Variants in NPAS3 observed in about 807,000 individuals in gnomAD.
The protein encoded by NPAS3 is neuronal PAS domain-containing protein 3.
NPAS3 carries 14 observed loss-of-function variants against 73.1 expected under a neutral mutation model. The observed-to-expected ratio is 0.19, with a 90% CI of 0.13 to 0.30. The LOEUF (loss-of-function observed/expected upper bound fraction) is 0.30, where lower values mean the gene tolerates loss of function less well. Among genes scored for constraint, NPAS3 ranks in the 10% least tolerant of loss-of-function variants. The pLI is 1.00. For synonymous variants in NPAS3, 620 were observed against 541.5 expected (o/e 1.14, Z -2.01); for missense variants, 1,096 against 1,250.0 (o/e 0.88, Z 1.86).
At chr14:33,240,200 A>G (rs2048170461) in intron 3 of NPAS3, among the ~76,000 whole-genome samples, 1 of 151,860 alleles carries the variant, frequency 6.6e-6, no homozygotes, top group East Asian at 1.9e-4. Flanking sequence ...TATATTATTC[A>G]TAGGATTCTG....
chr14:33,192,879 A>T (rs998214870), intron 2 of NPAS3, among the ~76,000 whole-genome samples: 1 of 151,980 alleles, frequency 6.6e-6, no homozygotes, highest in South Asian at 2.1e-4. Context: ...AGTGGTAGGA[A>T]CTCCCTTTTA....
intron 1 of NPAS3, among the ~76,000 whole-genome samples, chr14:32,969,960 A>G (rs2139304042): frequency 6.6e-6 from 1 of 152,344 alleles, no homozygotes; most frequent in South Asian, 2.1e-4. Flanking sequence ...TGAAAACAAT[A>G]TGAAGCTAAT....
chr14:32,983,182 G>A (rs2037968112), intron 1 of NPAS3, among the ~76,000 whole-genome samples: 1 of 152,034 alleles, frequency 6.6e-6, no homozygotes, highest in African/African-American at 2.4e-5. Context: ...CCCCATTAAA[G>A]ACTATTTTAA....
intron 1 of NPAS3, among the ~76,000 whole-genome samples, chr14:33,018,791 T>C (rs2039485773): frequency 6.6e-6 from 1 of 152,230 alleles, no homozygotes; most frequent in South Asian, 2.1e-4. Flanking sequence ...CAATTAATTG[T>C]AAGACATTTC....
chr14:33,287,242 C>T (rs1213779596), intron 3 of NPAS3, among the ~76,000 whole-genome samples: 1 of 152,110 alleles, frequency 6.6e-6, no homozygotes, highest in African/African-American at 2.4e-5. Flanking sequence ...GCTGCAAGCT[C>T]ATTTTGTTGT....
At chr14:33,206,092 AATT>A in intron 2 of NPAS3, among the ~76,000 whole-genome samples, 1 of 152,342 alleles carries the variant, frequency 6.6e-6, no homozygotes. Flanking sequence ...TTTTCATAAC[AATT>A]ATTATGAAAT....
chr14:32,950,596 A>G (rs1196736045), intron 1 of NPAS3, among the ~76,000 whole-genome samples: 1 of 151,750 alleles, frequency 6.6e-6, no homozygotes, highest in African/African-American at 2.4e-5. Context: ...CAGATGTGAT[A>G]CAACTACTAG....
chr14:33,765,845 A>C (rs751398343), intron 7 of NPAS3, among the ~76,000 whole-genome samples: 25 of 152,138 alleles, frequency 1.6e-4, no homozygotes, highest in Non-Finnish European at 3.5e-4. Flanking sequence ...GGGCACTAGG[A>C]GTTCTTGCTG....
chr14:32,973,201 C>G (rs2037511185), intron 1 of NPAS3, among the ~76,000 whole-genome samples: 8 of 152,170 alleles, frequency 5.3e-5, no homozygotes, highest in Admixed American at 5.2e-4. Context: ...ATTCTAAGCA[C>G]ACATTCATCT....
chr14:33,119,935 T>C (rs2043181136), intron 2 of NPAS3, among the ~76,000 whole-genome samples: 1 of 152,166 alleles, frequency 6.6e-6, no homozygotes, highest in Admixed American at 6.5e-5. Flanking sequence ...CCAAGCCATT[T>C]AACATTAAAA....
intron 2 of NPAS3, among the ~76,000 whole-genome samples, chr14:33,196,295 A>C (rs2046347946): frequency 6.6e-6 from 1 of 152,190 alleles, no homozygotes; most frequent in South Asian, 2.1e-4. Context: ...ACTTTTATAC[A>C]TACATTAGTT....
chr14:33,396,856 C>G (rs1009042572), intron 4 of NPAS3, among the ~76,000 whole-genome samples: 2 of 152,054 alleles, frequency 1.3e-5, no homozygotes, highest in Admixed American at 6.6e-5. Context: ...AAAACTAGCT[C>G]TAGTCTGATG....
chr14:33,753,452 G>A (rs1406531494), intron 7 of NPAS3, among the ~76,000 whole-genome samples: 1 of 151,840 alleles, frequency 6.6e-6, no homozygotes, highest in Non-Finnish European at 1.5e-5. Context: ...TGTGCGGCAG[G>A]GCATTTATTA....
chr14:33,181,747 C>A (rs2045806439), intron 2 of NPAS3, among the ~76,000 whole-genome samples: 1 of 152,192 alleles, frequency 6.6e-6, no homozygotes, highest in Non-Finnish European at 1.5e-5. Context: ...TGTCTCTCAT[C>A]TGGGCTCATG....
rs1176606241 is a variant in NPAS3 at position 33,683,427 on chromosome 14, C to CAAAAAAAA, written c.733+7059_733+7066dup. ...AATTATGACCTGTTTTTCCTCATTTCAAAAAAAAAAAAAAAAAAAAAAAAG... is the reference window on the plus strand; with the variant it reads ...AATTATGACCTGTTTTTCCTCATTTCAAAAAAAAAAAAAAAAAAAAAAAAAAAAAAAAG... On this transcript the variant is annotated intron_variant, in intron 6 of 11. Transcript: ENST00000356141. 1.7e-3 allele frequency among the ~76,000 whole-genome samples: 133 copies of CAAAAAAAA among 77,468 alleles called. 3 individuals carry two copies. Among genetic ancestry groups the CAAAAAAAA allele is most frequent in the Middle Eastern group, 9.4e-3 (1 of 106 alleles). The allele number at this position is 77,468 out of a possible 152,430, so 50.8% of individuals were successfully genotyped here.
chr14:33,621,263 G>T (rs542476786), intron 5 of NPAS3, among the ~76,000 whole-genome samples: 9 of 152,206 alleles, frequency 5.9e-5, no homozygotes, highest in African/African-American at 2.2e-4. Context: ...TTAAGTCTAG[G>T]CTTGAAGAAA....
chr14:33,220,054 G>A (rs576842820), intron 3 of NPAS3, among the ~76,000 whole-genome samples: 1 of 152,248 alleles, frequency 6.6e-6, no homozygotes, highest in African/African-American at 2.4e-5. Context: ...TCAGTACATG[G>A]CCATGGACAC....
At chr14:33,248,392 A>G (rs2048463722) in intron 3 of NPAS3, among the ~76,000 whole-genome samples, 1 of 152,218 alleles carries the variant, frequency 6.6e-6, no homozygotes, top group Admixed American at 6.5e-5. Context: ...AGAGATTTAA[A>G]ATTGATTATG....
chr14:33,325,322 C>T (rs1370056102), intron 3 of NPAS3, among the ~76,000 whole-genome samples: 1 of 152,032 alleles, frequency 6.6e-6, no homozygotes, highest in African/African-American at 2.4e-5. Flanking sequence ...TACAAACAAT[C>T]CAACTACACT....
Sources: gnomAD v4.1 joint callset for allele counts (sites outside exome capture counted in the v4.1 genomes callset) on GRCh38, gnomAD v4.1.1 for gene constraint, MANE v1.5 for transcripts, NCBI Gene and HGNC (gene_info 2026-07-23, HGNC 2026-07-21) for gene names.